CNTN5: variants seen among roughly 807,000 people sequenced by gnomAD.
CNTN5 encodes the protein contactin-5.
In CNTN5, 77 loss-of-function variants were observed where a neutral mutation model predicts 129.1. The observed-to-expected ratio is 0.60, with a 90% CI of 0.50 to 0.72. The LOEUF is 0.72. Ranked by LOEUF, CNTN5 falls within the 30% of genes least tolerant of loss-of-function variation. The pLI, the probability that CNTN5 is intolerant of heterozygous loss-of-function variation, is 0.00. For synonymous variants in CNTN5, 509 were observed against 465.6 expected, an observed-to-expected ratio of 1.09 and a Z score of -1.20; for missense variants, 1,478 against 1,328.8, an observed-to-expected ratio of 1.11 and a Z score of -1.75.
intron 3 of CNTN5, among the ~76,000 whole-genome samples, chr11:99,787,270 A>ATG (rs1165038273): frequency 6.6e-6 from 1 of 151,660 alleles, no homozygotes; most frequent in Non-Finnish European, 1.5e-5. Context: ...AGAGGAGAGA[A>ATG]TGTGTTATAT....
chr11:99,765,262 T>C (rs1314985075), intron 3 of CNTN5, among the ~76,000 whole-genome samples: 1 of 151,864 alleles, frequency 6.6e-6, no homozygotes, highest in Non-Finnish European at 1.5e-5. Flanking sequence ...TAAAGAAAAA[T>C]AGTAAATATC....
At chr11:99,608,573 A>T (rs1043970985) in intron 3 of CNTN5, among the ~76,000 whole-genome samples, 1 of 152,308 alleles carries the variant, frequency 6.6e-6, no homozygotes, top group Non-Finnish European at 1.5e-5. Context: ...ACAAACATGC[A>T]TAAAGTGAAG....
At chr11:100,107,336 T>TCTAA (rs1220128668) in intron 13 of CNTN5, among the ~76,000 whole-genome samples, 1 of 152,062 alleles carries the variant, frequency 6.6e-6, no homozygotes, top group Non-Finnish European at 1.5e-5. Context: ...AAAAATAATT[T>TCTAA]CTAACTTAGC....
chr11:99,588,588 A>G (rs1949881938), intron 3 of CNTN5, among the ~76,000 whole-genome samples: 2 of 152,138 alleles, frequency 1.3e-5, no homozygotes, highest in Admixed American at 6.5e-5. Flanking sequence ...GAGGTAGGAG[A>G]ATTTCAACAT....
chr11:100,346,345 A>T (rs1354794643), intron 23 of CNTN5, among the ~76,000 whole-genome samples: 1 of 152,168 alleles, frequency 6.6e-6, no homozygotes, highest in African/African-American at 2.4e-5. Context: ...AATGATCTCA[A>T]AAATGGAAAA....
chr11:99,078,662 AG>A, intron 1 of CNTN5, among the ~76,000 whole-genome samples: 1 of 152,332 alleles, frequency 6.6e-6, no homozygotes, highest in African/African-American at 2.4e-5. Flanking sequence ...ACTGGAGGAC[AG>A]TACGTTAAGT....
chr11:99,828,099 A>T (rs1340422773), intron 4 of CNTN5, among the ~76,000 whole-genome samples: 1 of 152,174 alleles, frequency 6.6e-6, no homozygotes, highest in Non-Finnish European at 1.5e-5. Context: ...TATACTTTCT[A>T]TTTGAAATAG....
chr11:99,826,889 G>T (rs188114846), intron 4 of CNTN5, among the ~76,000 whole-genome samples: 84 of 152,256 alleles, frequency 5.5e-4, no homozygotes, highest in Non-Finnish European at 9.0e-4. Flanking sequence ...TGGGAGGAAG[G>T]AAGTAAGGGG....
intron 3 of CNTN5, among the ~76,000 whole-genome samples, chr11:99,795,525 TG>T (rs925926358): frequency 6.6e-6 from 1 of 152,082 alleles, no homozygotes; most frequent in Non-Finnish European, 1.5e-5. Context: ...TATGTTGTGC[TG>T]GTTGTTTCTT....
At chr11:100,331,923 G>A (rs975546387) in intron 21 of CNTN5, among the ~76,000 whole-genome samples, 21 of 151,862 alleles carry the variant, frequency 1.4e-4, no homozygotes, top group African/African-American at 5.1e-4. Flanking sequence ...TCACACTTCA[G>A]AGAACTGAAG....
In CNTN5 at chr11:99,427,110, G is replaced by C. The variant is rs569568667; in HGVS notation, c.-71+101626G>C. Among the ~76,000 whole-genome samples the C allele has an allele frequency of 2.0e-5, 3 of 152,214 alleles. No individual in the cohort carries two copies. The East Asian group carries it at 5.8e-4, about 29-fold the overall frequency. Reference sequence around the variant, plus strand: ...GTGAGGTTGCTTTCCTCTGTTAGGGGTCCATTTACATAACCTGCAAGTCAA... The same window carrying C: ...GTGAGGTTGCTTTCCTCTGTTAGGGCTCCATTTACATAACCTGCAAGTCAA... On this transcript the variant is annotated intron_variant, in intron 2 of 24. Transcript: ENST00000524871.
intron 3 of CNTN5, among the ~76,000 whole-genome samples, chr11:99,651,258 T>C (rs1435704515): frequency 6.6e-6 from 1 of 151,962 alleles, no homozygotes; most frequent in Non-Finnish European, 1.5e-5. Flanking sequence ...TTAGTAAAAT[T>C]GATAACATAG....
At chr11:100,327,725 A>G (rs1591517389) in intron 21 of CNTN5, among the ~76,000 whole-genome samples, 1 of 152,208 alleles carries the variant, frequency 6.6e-6, no homozygotes, top group African/African-American at 2.4e-5. Context: ...CACTGAGTCA[A>G]AAAATACCTT....
At chr11:99,126,629 G>A (rs562789137) in intron 1 of CNTN5, among the ~76,000 whole-genome samples, 2 of 152,260 alleles carry the variant, frequency 1.3e-5, no homozygotes, top group East Asian at 3.9e-4. Context: ...CTATTTTAGG[G>A]TGGCAAGTTG....
At chr11:99,231,719 T>C (rs576660200) in intron 1 of CNTN5, among the ~76,000 whole-genome samples, 1 of 152,342 alleles carries the variant, frequency 6.6e-6, no homozygotes, top group East Asian at 1.9e-4. Flanking sequence ...ATGAAATCTT[T>C]GCCTGTGCCT....
chr11:100,271,249 T>G lies in CNTN5; in HGVS notation c.2314+8T>G. The G allele has an allele frequency of 6.3e-7, 1 of 1,590,130 alleles. No individual in the cohort carries two copies. Among genetic ancestry groups the G allele is most frequent in the South Asian group, 1.2e-5 (1 of 86,842 alleles). On this transcript the variant is annotated splice_region_variant and intron_variant, in intron 18 of 24. Coordinates refer to ENST00000524871, the MANE Select transcript of CNTN5 (RefSeq NM_014361.4). ...TCCGCACAAATGAAGCAGGTAAAAA[T>G]TTGGAAGAGTCAGATTGGATTTGGT...
chr11:99,269,746 A>G (rs1408011034), intron 1 of CNTN5, among the ~76,000 whole-genome samples: 2 of 148,976 alleles, frequency 1.3e-5, no homozygotes, highest in African/African-American at 5.2e-5. Flanking sequence ...AGTCATCTAT[A>G]ATATTATAAA....
At chr11:100,355,871 A>G (rs576943459) in intron 24 of CNTN5, among the ~76,000 whole-genome samples, 5 of 151,842 alleles carry the variant, frequency 3.3e-5, no homozygotes, top group South Asian at 4.1e-4. Context: ...TGAAAATTAA[A>G]TCTCATGATT....
chr11:100,306,426 C>A (rs1951351153), intron 20 of CNTN5, among the ~76,000 whole-genome samples: 1 of 151,618 alleles, frequency 6.6e-6, no homozygotes, highest in African/African-American at 2.4e-5. Flanking sequence ...AATTATTTAT[C>A]CCCCTGCAAT....
Sources: gnomAD v4.1 joint callset for allele counts (sites outside exome capture counted in the v4.1 genomes callset) on GRCh38, gnomAD v4.1.1 for gene constraint, MANE v1.5 for transcripts, NCBI Gene and HGNC (gene_info 2026-07-23, HGNC 2026-07-21) for gene names.